The following ACMSD variants were observed in gnomAD, a reference collection of about 807,000 sequenced individuals.
ACMSD encodes the protein 2-amino-3-carboxymuconate-6-semialdehyde decarboxylase.
In ACMSD, 37 loss-of-function variants were observed where a neutral mutation model predicts 45.9. The observed-to-expected ratio is 0.81, with a 90% CI of 0.62 to 1.06. ACMSD has a LOEUF of 1.06. Ranked by LOEUF, ACMSD falls within the 50% of genes least tolerant of loss-of-function variation. The probability of loss-of-function intolerance (pLI) is 0.00; values close to 1 mark genes in which losing one functional copy is unlikely to be tolerated. For missense variants in ACMSD, 434 were observed against 420.9 expected, an observed-to-expected ratio of 1.03 and a Z score of -0.27; for synonymous variants, 138 against 148.8, an observed-to-expected ratio of 0.93 and a Z score of 0.53.
intron 8 of ACMSD, among the ~76,000 whole-genome samples, chr2:134,895,069 G>A (rs910114640): frequency 6.6e-6 from 1 of 151,884 alleles, no homozygotes; most frequent in Non-Finnish European, 1.5e-5. Flanking sequence ...ACTTTGGCAG[G>A]CCAAGGCGGG....
chr2:134,878,828 G>T (rs1360909606), intron 8 of ACMSD, among the ~76,000 whole-genome samples: 1 of 152,128 alleles, frequency 6.6e-6, no homozygotes, highest in African/African-American at 2.4e-5. Flanking sequence ...AAAACCAAAT[G>T]AGTCTTTCAT....
intron 8 of ACMSD, among the ~76,000 whole-genome samples, chr2:134,896,166 A>C (rs993458029): frequency 1.5e-4 from 23 of 152,358 alleles, no homozygotes; most frequent in African/African-American, 5.5e-4. Flanking sequence ...AATGGATCAA[A>C]GACTTAAATT....
At chr2:134,847,435 GATAGATAGATAGATAT>G (rs1191859713) in intron 2 of ACMSD, among the ~76,000 whole-genome samples, 21 of 148,894 alleles carry the variant, frequency 1.4e-4, no homozygotes, top group East Asian at 1.4e-3. Flanking sequence ...TAGATAGATA[GATAGATAGATAGATAT>G]AGATAGAGAT....
At chr2:134,883,714 T>C (rs889028444) in intron 8 of ACMSD, among the ~76,000 whole-genome samples, 2 of 152,074 alleles carry the variant, frequency 1.3e-5, no homozygotes, top group Non-Finnish European at 2.9e-5. Context: ...CTGGTCAACA[T>C]AGGTTGCTTC....
chr2:134,869,000 A>C (rs1192325026), intron 6 of ACMSD: 1 of 152,126 alleles, frequency 6.6e-6, no homozygotes, highest in African/African-American at 2.4e-5. Flanking sequence ...AGATTTCTCC[A>C]AAGGCCTCTT....
chr2:134,861,173 G>A (rs1687834109), intron 3 of ACMSD, among the ~76,000 whole-genome samples: 1 of 152,172 alleles, frequency 6.6e-6, no homozygotes, highest in South Asian at 2.1e-4. Context: ...GAGGAGAGCT[G>A]GAGAAAGAAC....
At chr2:134,874,172 C>T (rs1325949298) in intron 8 of ACMSD, among the ~76,000 whole-genome samples, 2 of 152,134 alleles carry the variant, frequency 1.3e-5, no homozygotes, top group Non-Finnish European at 2.9e-5. Context: ...TTGGTGAGCA[C>T]GTGTGAATAT....
intron 2 of ACMSD, chr2:134,857,703 T>C (rs1687648404): frequency 6.6e-6 from 1 of 151,840 alleles, no homozygotes; most frequent in African/African-American, 2.4e-5. Flanking sequence ...TGGCTAGAAC[T>C]TCCTTTATGA....
intron 5 of ACMSD, among the ~76,000 whole-genome samples, chr2:134,865,641 T>G (rs1688061582): frequency 6.6e-6 from 1 of 152,184 alleles, no homozygotes; most frequent in African/African-American, 2.4e-5. Flanking sequence ...CTCTCTAGTT[T>G]GCGTCAATAA....
chr2:134,840,167 C>CAAA lies in ACMSD; in HGVS notation c.57+1452_57+1454dup, dbSNP rs1158518481. On this transcript the variant is annotated intron_variant, in intron 1 of 9. Coordinates refer to ENST00000356140, the MANE Select transcript of ACMSD (RefSeq NM_138326.3). ...TAAAATAGCCATAAACTATACCTAG[C>CAAA]AAAAAAAAAAAAAAAAAAAAAAAAA... 9.8e-4 allele frequency among the ~76,000 whole-genome samples: 23 copies of CAAA among 23,436 alleles called. 1 individual carries two copies. The South Asian group carries it at 0.018, about 18-fold the overall frequency. The allele number at this position is 23,436 out of a possible 152,430, so 15.4% of individuals were successfully genotyped here. A position where few individuals can be genotyped will look rare whatever the true frequency, so the allele number is the denominator to read the frequency against.
At chr2:134,854,611 A>G (rs1169045541) in intron 2 of ACMSD, among the ~76,000 whole-genome samples, 1 of 152,230 alleles carries the variant, frequency 6.6e-6, no homozygotes, top group Non-Finnish European at 1.5e-5. Flanking sequence ...TTCCAGGTCA[A>G]AGTTATATGC....
At chr2:134,855,039 C>CT (rs5834430) in intron 2 of ACMSD, among the ~76,000 whole-genome samples, 74,762 of 150,468 alleles carry the variant, frequency 0.5, 19,252 homozygotes, top group Middle Eastern at 0.82. Flanking sequence ...TGTTTCTCAA[C>CT]TTTTTTTTTT....
At chr2:134,870,831 T>G (rs1463374053) in intron 6 of ACMSD, 134 bp from the exon 7 acceptor site, 3 of 686,642 alleles carry the variant, frequency 4.4e-6, no homozygotes, top group Admixed American at 2.7e-5. Context: ...ATGTCCTATA[T>G]AATACAGCCA....
In ACMSD at chr2:134,876,821, A is replaced by C. The variant is rs117128389; in HGVS notation, c.849+4180A>C. 1.5e-4 allele frequency among the ~76,000 whole-genome samples: 23 copies of C among 152,086 alleles called. No homozygotes were observed. The East Asian group carries it at 4.3e-3, about 28-fold the overall frequency. On this transcript the variant is annotated intron_variant, in intron 8 of 9. Coordinates refer to ENST00000356140, the MANE Select transcript of ACMSD (RefSeq NM_138326.3). ...TTCTTTAAGACAGTCTCACTCTATC[A>C]CTCAGGCTGGAATGCAGTGGCATGA... is the stretch of plus-strand genomic sequence containing the variant.
intron 2 of ACMSD, among the ~76,000 whole-genome samples, chr2:134,855,230 A>G (rs564860281): frequency 5.3e-5 from 8 of 152,230 alleles, no homozygotes; most frequent in African/African-American, 7.2e-5. Flanking sequence ...ACTACAAAGT[A>G]TCTGTGGAAT....
chr2:134,849,102 A>AT (rs986974193), intron 2 of ACMSD, among the ~76,000 whole-genome samples: 24 of 147,866 alleles, frequency 1.6e-4, no homozygotes, highest in South Asian at 8.6e-4. Flanking sequence ...GGCAGCTGTG[A>AT]TTTTTTTTTT....
At chr2:134,863,947 A>C (rs574220616) in intron 5 of ACMSD, among the ~76,000 whole-genome samples, 1 of 152,070 alleles carries the variant, frequency 6.6e-6, no homozygotes, top group Non-Finnish European at 1.5e-5. Flanking sequence ...ACTGTGCAAA[A>C]GAATCGTGTT....
At chr2:134,862,819 C>G (rs1687908261) in intron 4 of ACMSD, 1 of 277,806 alleles carries the variant, frequency 3.6e-6, no homozygotes, top group African/African-American at 2.3e-5. Flanking sequence ...AGTGGGGTGA[C>G]AGAGGAAAGT....
At chr2:134,844,151 C>T (rs1473162488) in intron 1 of ACMSD, among the ~76,000 whole-genome samples, 2 of 152,186 alleles carry the variant, frequency 1.3e-5, no homozygotes, top group African/African-American at 2.4e-5. Context: ...TTATTTGAGT[C>T]ATACTTACCT....
Sources: gnomAD v4.1 joint callset for allele counts (sites outside exome capture counted in the v4.1 genomes callset) on GRCh38, gnomAD v4.1.1 for gene constraint, MANE v1.5 for transcripts, NCBI Gene and HGNC (gene_info 2026-07-23, HGNC 2026-07-21) for gene names.